Variants in TUBGCP3 observed in about 807,000 individuals in gnomAD.
The protein encoded by TUBGCP3 is gamma-tubulin complex component 3.
Under a neutral mutation model 123.1 loss-of-function variants are expected in TUBGCP3, and 50 were observed. That is an observed-to-expected ratio of 0.41 (90% CI 0.32 to 0.51). The LOEUF (loss-of-function observed/expected upper bound fraction) is 0.51, where lower values mean the gene tolerates loss of function less well. TUBGCP3 is among the 20% of genes least tolerant of loss of function. The pLI is 0.36. For synonymous variants in TUBGCP3, 405 were observed against 413.9 expected (o/e 0.98, Z 0.26); for missense variants, 882 against 1,127.0 (o/e 0.78, Z 3.11).
chr13:112,562,578 G>A (rs948207131), intron 3 of TUBGCP3, among the ~76,000 whole-genome samples: 6 of 152,140 alleles, frequency 3.9e-5, no homozygotes, highest in African/African-American at 1.4e-4. Flanking sequence ...GACACACAGC[G>A]AGAGGCCAGG....
intron 8 of TUBGCP3, 119 bp downstream of exon 8, chr13:112,553,938 T>A: frequency 6.7e-7 from 1 of 1,483,984 alleles, no homozygotes; most frequent in Non-Finnish European, 9.0e-7. Flanking sequence ...AAGTTGACTC[T>A]CAAAGCTGCT....
At chr13:112,547,595 T>A in intron 10 of TUBGCP3, 25 bp downstream of exon 10, 4 of 1,412,952 alleles carry the variant, frequency 2.8e-6, no homozygotes, top group Non-Finnish European at 3.7e-6. Context: ...GGGAAAGACG[T>A]GCGTGGGAAA....
intron 1 of TUBGCP3, 87 bp from the exon 2 acceptor site, chr13:112,569,346 G>GT (rs552986477): frequency 6.9e-5 from 82 of 1,183,046 alleles, no homozygotes; most frequent in Non-Finnish European, 9.4e-5. Flanking sequence ...CAGTGAACTA[G>GT]TAATAACATC....
At chr13:112,543,627 G>C (rs1878711944) in intron 11 of TUBGCP3, among the ~76,000 whole-genome samples, 1 of 152,096 alleles carries the variant, frequency 6.6e-6, no homozygotes, top group Non-Finnish European at 1.5e-5. Flanking sequence ...ATACAATCCA[G>C]AAACAGATTC....
At chr13:112,544,531 C>T (rs1878828149) in intron 11 of TUBGCP3, 2 of 150,706 alleles carry the variant, frequency 1.3e-5, no homozygotes, top group South Asian at 2.1e-4. Context: ...TAGAGAAACT[C>T]ATAAATACGT....
rs1361023397 is a variant in TUBGCP3, at chr13:112,545,705, G to A, written c.1329C>T (p.Tyr443=). 1 of 1,612,058 alleles carries A rather than the reference G, an allele frequency of 6.2e-7. No homozygotes were observed. Among genetic ancestry groups the A allele is most frequent in the African/African-American group, 1.3e-5 (1 of 74,880 alleles). The change falls in exon 11 of 22, where the codon TAC becomes TAT. Residue 443 remains tyrosine (Y), a synonymous_variant. Transcript: ENST00000261965. This position sits in a 1 kb window ranked among gnomAD's most constrained non-coding sequence, Gnocchi z 4.1. ...WIYDGELEDT[Y]HEFFVASDPT... The stretch of plus-strand genomic sequence containing the variant: ...ACCGAACACCGATCCTTACTTCGTG[G>A]TAAGTGTCCTCAAGCTCCCCATCAT...
intron 12 of TUBGCP3, 85 bp from the exon 13 acceptor site, chr13:112,527,135 G>A: frequency 1.7e-6 from 2 of 1,211,672 alleles, no homozygotes; most frequent in Admixed American, 2.0e-5. Context: ...GCTACAAATT[G>A]GCTATTGATT....
chr13:112,513,376 G>C (rs929943150), intron 17 of TUBGCP3, among the ~76,000 whole-genome samples: 1 of 152,204 alleles, frequency 6.6e-6, no homozygotes, highest in African/African-American at 2.4e-5. Context: ...CTTACATGAG[G>C]AATGGGTGGG....
chr13:112,539,433 T>C (rs779460992), intron 11 of TUBGCP3, among the ~76,000 whole-genome samples: 3 of 152,282 alleles, frequency 2.0e-5, no homozygotes, highest in East Asian at 1.9e-4. Flanking sequence ...GTACTAAACA[T>C]AGCAGACCCA....
chr13:112,527,274 CAA>C, intron 12 of TUBGCP3, 98 bp downstream of exon 12: 1 of 930,260 alleles, frequency 1.1e-6, no homozygotes, highest in Non-Finnish European at 1.6e-6. Context: ...TTAACAATCT[CAA>C]AACGCATGAA....
chr13:112,589,354 C>T (rs1221277044), upstream of TUBGCP3, among the ~76,000 whole-genome samples: 2 of 152,220 alleles, frequency 1.3e-5, no homozygotes, highest in African/African-American at 4.8e-5. Context: ...GCAAGAACCC[C>T]CCTCACTAAC....
At chr13:112,560,156 C>T (rs1368258356) in intron 3 of TUBGCP3, among the ~76,000 whole-genome samples, 11 of 135,748 alleles carry the variant, frequency 8.1e-5, no homozygotes, top group African/African-American at 3.0e-4. Flanking sequence ...AAAGGCCGGG[C>T]GCGGTGGCTC....
chr13:112,546,126 A>G (rs1566566037), intron 10 of TUBGCP3: 2 of 371,684 alleles, frequency 5.4e-6, no homozygotes, highest in Non-Finnish European at 9.8e-6. Context: ...TTTCAGAAAC[A>G]AAAAGTAGCA....
chr13:112,486,249 T>G, intron 21 of TUBGCP3, 98 bp from the exon 22 acceptor site: 1 of 1,426,822 alleles, frequency 7.0e-7, no homozygotes, highest in Non-Finnish European at 9.5e-7. Context: ...GGTCTGTTTT[T>G]CCTTCCAGAT....
intron 17 of TUBGCP3, among the ~76,000 whole-genome samples, chr13:112,512,816 TAAG>T (rs1881762846): frequency 6.6e-6 from 1 of 152,186 alleles, no homozygotes; most frequent in African/African-American, 2.4e-5. Flanking sequence ...AACATTCTCT[TAAG>T]AGCCCTCTAA....
chr13:112,485,697 TAGAA>T lies in TUBGCP3; in HGVS notation c.*292_*295del, dbSNP rs1480278949. ...AAAGTGACAAATATAAATTATAACA[TAGAA>T]AGCTTAAGAAGCCTCAGCAAATTAT... On this transcript the variant is annotated 3_prime_UTR_variant, in exon 22 of 22. Transcript: ENST00000261965. The T allele has an allele frequency of 3.0e-6, 1 of 338,656 alleles. No homozygotes were observed. Among genetic ancestry groups the T allele is most frequent in the Non-Finnish European group, 5.3e-6 (1 of 189,134 alleles). 21.0% of individuals were successfully genotyped at this position (338,656 alleles called of 1,614,324 possible).
chr13:112,542,075 T>C (rs541861981), intron 11 of TUBGCP3, among the ~76,000 whole-genome samples: 1 of 151,936 alleles, frequency 6.6e-6, no homozygotes, highest in Admixed American at 6.5e-5. Flanking sequence ...GTGTACATGC[T>C]GGTCAAAGTA....
intron 17 of TUBGCP3, among the ~76,000 whole-genome samples, chr13:112,515,868 C>T (rs561380566): frequency 6.6e-6 from 1 of 152,300 alleles, no homozygotes; most frequent in African/African-American, 2.4e-5. Flanking sequence ...TTTCTCCAAA[C>T]AACTGCTCTC....
chr13:112,568,479 A>C (rs1881146560), intron 2 of TUBGCP3, among the ~76,000 whole-genome samples: 1 of 151,690 alleles, frequency 6.6e-6, no homozygotes, highest in East Asian at 1.9e-4. Flanking sequence ...CCAAGGCCAA[A>C]TGGACTTCTA....
Sources: gnomAD v4.1 joint callset for allele counts (sites outside exome capture counted in the v4.1 genomes callset) on GRCh38, gnomAD v4.1.1 for gene constraint, Gnocchi (gnomAD v3.1) non-coding constraint, MANE v1.5 for transcripts, NCBI Gene and HGNC (gene_info 2026-07-23, HGNC 2026-07-21) for gene names.